Variants in PTPRJ observed in about 807,000 individuals in gnomAD.
PTPRJ encodes protein tyrosine phosphatase receptor type J, also known as receptor-type tyrosine-protein phosphatase eta.
A neutral mutation model predicts 141.3 loss-of-function variants in PTPRJ; 129 were observed. The ratio of observed to expected loss-of-function variants is 0.91; its 90% CI spans 0.79 to 1.06. The LOEUF is 1.06. PTPRJ is among the 50% of genes least tolerant of loss of function. The pLI, the probability that PTPRJ is intolerant of heterozygous loss-of-function variation, is 0.00. For synonymous variants in PTPRJ, 610 were observed against 640.5 expected, an observed-to-expected ratio of 0.95 and a Z score of 0.72; for missense variants, 1,601 against 1,679.7, an observed-to-expected ratio of 0.95 and a Z score of 0.82.
Position 48,167,294 on chromosome 11 carries a change from G to A in PTPRJ, c.3946G>A (p.Ala1316Thr). ...AGATCTTATCTACCAGAACACAACTGCAATGACAATCTATGAAAACCTTGC... is the reference window on the plus strand; with the variant it reads ...AGATCTTATCTACCAGAACACAACTACAATGACAATCTATGAAAACCTTGC... The part of the protein sequence containing the change: ...KVDLIYQNTT[A>T]MTIYENLAPV... Residue 1316 changes from alanine to threonine, a missense_variant, in exon 25 of 25, where the codon GCA (alanine) becomes ACA (threonine). Transcript: ENST00000418331. 1 of 1,613,770 alleles carries A rather than the reference G, an allele frequency of 6.2e-7. No homozygotes were observed.
intron 1 of PTPRJ, among the ~76,000 whole-genome samples, chr11:48,075,523 A>G (rs1855376673): frequency 6.6e-6 from 1 of 152,100 alleles, no homozygotes; most frequent in Non-Finnish European, 1.5e-5. Flanking sequence ...CTTGGGCTGA[A>G]GTGATTCTTC....
chr11:48,096,234 A>T (rs1237955109), intron 1 of PTPRJ, among the ~76,000 whole-genome samples: 1 of 152,174 alleles, frequency 6.6e-6, no homozygotes, highest in African/African-American at 2.4e-5. Context: ...TGGACAGATG[A>T]TGCTGGTCAG....
intron 1 of PTPRJ, among the ~76,000 whole-genome samples, chr11:48,000,960 C>T (rs34909049): frequency 0.095 from 14,324 of 150,702 alleles, 933 homozygotes; most frequent in Non-Finnish European, 0.15. Context: ...ATGGACTGGA[C>T]CTCCTCTTCC....
intron 1 of PTPRJ, among the ~76,000 whole-genome samples, chr11:48,081,589 CTGT>C: frequency 6.6e-6 from 1 of 152,158 alleles, no homozygotes; most frequent in Middle Eastern, 3.4e-3. Context: ...AAATGTGTGG[CTGT>C]TGTTCAAGGA....
chr11:48,159,557 G>C (rs1857710834), intron 21 of PTPRJ, among the ~76,000 whole-genome samples: 1 of 152,160 alleles, frequency 6.6e-6, no homozygotes, highest in African/African-American at 2.4e-5. Flanking sequence ...GGATTTTTAT[G>C]AGAAATTTTA....
chr11:48,069,729 G>A (rs1590463874), intron 1 of PTPRJ, among the ~76,000 whole-genome samples: 1 of 152,148 alleles, frequency 6.6e-6, no homozygotes, highest in Admixed American at 6.5e-5. Context: ...GGGATTACAG[G>A]CCTCTGCGCC....
At chr11:48,144,647 T>C (rs770239611) in intron 12 of PTPRJ, 28 bp from the exon 13 acceptor site, 9 of 1,568,178 alleles carry the variant, frequency 5.7e-6, no homozygotes, top group African/African-American at 1.4e-5. Flanking sequence ...CACTTTCTTA[T>C]GATTCTCCTT....
chr11:48,046,329 C>T (rs73464857), intron 1 of PTPRJ: 3,650 of 152,332 alleles, frequency 0.024, 138 homozygotes, highest in African/African-American at 0.083. Context: ...GCTGGGATTA[C>T]AGGTATGAGC....
chr11:48,054,807 TC>T (rs755281464), intron 1 of PTPRJ, among the ~76,000 whole-genome samples: 3 of 150,996 alleles, frequency 2.0e-5, no homozygotes, highest in African/African-American at 4.9e-5. Context: ...CTCATTTTTT[TC>T]CTTTCTTTCT....
chr11:48,047,449 C>T (rs1340564367), intron 1 of PTPRJ, among the ~76,000 whole-genome samples: 1 of 151,650 alleles, frequency 6.6e-6, no homozygotes. Context: ...GGGTGAAAAG[C>T]TTTTTAAAAT....
At chr11:48,098,572 G>A (rs1274418869) in intron 1 of PTPRJ, among the ~76,000 whole-genome samples, 1 of 15,182 alleles carries the variant, frequency 6.6e-5, no homozygotes, top group African/African-American at 9.6e-5. Context: ...CCAGGCTGGA[G>A]TGCAGTGGCG....
chr11:48,161,612 T>C (rs117157343), intron 22 of PTPRJ, among the ~76,000 whole-genome samples: 1,857 of 152,092 alleles, frequency 0.012, 17 homozygotes, highest in Non-Finnish European at 0.021. Flanking sequence ...TTCTTTTCTT[T>C]TCTTTTTTTT....
chr11:48,033,764 G>A (rs1412109325), intron 1 of PTPRJ, among the ~76,000 whole-genome samples: 1 of 152,154 alleles, frequency 6.6e-6, no homozygotes, highest in Non-Finnish European at 1.5e-5. Context: ...CCCTTCAGGG[G>A]ATTTGAAGAT....
intron 23 of PTPRJ, 134 bp downstream of exon 23, chr11:48,163,752 T>A (rs986056772): frequency 1.8e-6 from 2 of 1,103,544 alleles, no homozygotes; most frequent in Non-Finnish European, 2.6e-6. Context: ...TAAGGAACCA[T>A]GGACTTACTC....
chr11:48,155,890 G>T lies in PTPRJ; in HGVS notation c.3303+16G>T. ...CTACATGCCTGTAAGTTGGGGGACG[G>T]TCTCACAGCACTGGACTGTTTCGAT... On this transcript the variant is annotated intron_variant, in intron 20 of 24. Coordinates refer to ENST00000418331, the MANE Select transcript of PTPRJ (RefSeq NM_002843.4). 7.5e-6 allele frequency: 12 copies of T among 1,595,994 alleles called. No homozygotes were observed. The highest frequency in any genetic ancestry group is 1.0e-5 in the Non-Finnish European group (12 of 1,163,692).
Position 48,131,070 on chromosome 11 carries a change from A to AT in PTPRJ, c.1615+381dup, listed in dbSNP as rs71045547. Among the ~76,000 whole-genome samples the AT allele has an allele frequency of 4.9e-3, 226 of 46,542 alleles. 1 individual carries two copies. Among genetic ancestry groups the AT allele is most frequent in the Non-Finnish European group, 6.6e-3 (162 of 24,586 alleles). The allele number at this position is 46,542 out of a possible 152,430, so 30.5% of individuals were successfully genotyped here. On this transcript the variant is annotated intron_variant, in intron 8 of 24. Coordinates refer to ENST00000418331, the MANE Select transcript of PTPRJ (RefSeq NM_002843.4). ...CACACACATATATATATATATATAT[A>AT]TTTTTTTTTTTTTTTTTTTTTTTTT...
At chr11:48,111,229 G>A (rs900843523) in intron 2 of PTPRJ, among the ~76,000 whole-genome samples, 23 of 135,418 alleles carry the variant, frequency 1.7e-4, no homozygotes, top group Non-Finnish European at 3.5e-4. Context: ...GCAGTGAGCC[G>A]AGATCACTCC....
intron 1 of PTPRJ, among the ~76,000 whole-genome samples, chr11:48,002,588 A>G (rs1854528592): frequency 1.3e-5 from 2 of 152,214 alleles, no homozygotes; most frequent in Admixed American, 1.3e-4. Flanking sequence ...AAAAACAGTA[A>G]TTCACTGTCC....
intron 1 of PTPRJ, among the ~76,000 whole-genome samples, chr11:47,989,529 C>T (rs192888348): frequency 9.9e-5 from 15 of 151,878 alleles, no homozygotes; most frequent in African/African-American, 2.7e-4. Context: ...CCACCTGCCT[C>T]GGCCTCCCAA....
Sources: allele counts gnomAD v4.1 joint callset (sites outside exome capture counted in the v4.1 genomes callset), GRCh38; gene constraint gnomAD v4.1.1; transcripts MANE v1.5; gene names NCBI Gene and HGNC (gene_info 2026-07-23, HGNC 2026-07-21).